COL6A1: variants seen among roughly 807,000 people sequenced by gnomAD.
COL6A1 encodes collagen alpha-1(VI) chain.
A neutral mutation model predicts 145.6 loss-of-function variants in COL6A1; 80 were observed. That is an observed-to-expected ratio of 0.55 (90% CI 0.46 to 0.66). The LOEUF (loss-of-function observed/expected upper bound fraction) is 0.66. COL6A1 is among the 30% of genes least tolerant of loss of function. COL6A1 has a pLI of 0.00. For synonymous variants in COL6A1, 638 were observed against 622.8 expected (o/e 1.02, Z -0.36); for missense variants, 1,364 against 1,473.8 (o/e 0.93, Z 1.22).
chr21:45,994,220 T>C lies in COL6A1; in HGVS notation c.1389T>C (p.Pro463=). ...DQGREGPVGV[P]GDPGEAGPIG... is the part of the protein sequence containing the mutation. Reference sequence around the variant, plus strand: ...GAAGAGAAGGCCCCGTTGGTGTCCCTGGAGACCCGGTAGGAAGCGCTGTGG... The same window carrying C: ...GAAGAGAAGGCCCCGTTGGTGTCCCCGGAGACCCGGTAGGAAGCGCTGTGG... The change falls in exon 20 of 35, where the codon CCT becomes CCC. Residue 463 remains proline (P), a synonymous_variant. Transcript: ENST00000361866. The surrounding 1 kb of genome is among the most constrained non-coding windows in gnomAD (Gnocchi z 6.8). 1 of 1,609,350 alleles carries C rather than the reference T, an allele frequency of 6.2e-7. No individual in the cohort carries two copies. Among genetic ancestry groups the C allele is most frequent in the Non-Finnish European group, 8.5e-7 (1 of 1,178,420 alleles).
At position 45,989,649 on chromosome 21, in the gene COL6A1, G is replaced by T; in HGVS notation, c.900G>T (p.Met300Ile). Residue 300 changes from methionine to isoleucine, a missense_variant, in exon 10 of 35, where the codon ATG becomes ATT. Physicochemically the swap from Met to Ile is conservative, Grantham distance 10 (BLOSUM62 1). This residue lies in a region of COL6A1 where 414 missense variants were observed against 437.6 expected (regional missense o/e 0.95). Transcript: ENST00000361866. Reference protein sequence around the residue: ...GDLGPVGYQGMKGEKGSRGEK... With the variant: ...GDLGPVGYQGIKGEKGSRGEK... ...TCGGACCTGTTGGGTACCAGGGAAT[G>T]AAGGTACGTGCCCCCCCTTTCCTGG... The T allele has an allele frequency of 6.2e-7, 1 of 1,613,144 alleles. No individual in the cohort carries two copies. The highest frequency in any genetic ancestry group is 1.1e-5 in the South Asian group (1 of 91,084).
In COL6A1 at chr21:45,990,369, G is replaced by C; in HGVS notation, c.958-9G>C. 1 of 1,608,674 alleles carries C rather than the reference G, an allele frequency of 6.2e-7. No individual in the cohort carries two copies. The highest frequency in any genetic ancestry group is 1.1e-5 in the South Asian group (1 of 90,950). ...ATCTGACTCCTGCCTTCGTTTTCCC[G>C]CCTCACAGGGAGAGAAGGGCAAGCG... On this transcript the variant is annotated splice_polypyrimidine_tract_variant and intron_variant, in intron 12 of 34. Coordinates refer to ENST00000361866, the MANE Select transcript of COL6A1 (RefSeq NM_001848.3).
chr21:45,981,927 C>T lies in COL6A1; in HGVS notation c.77C>T (p.Pro26Leu), dbSNP rs150165253. The T allele has an allele frequency of 1.2e-5, 20 of 1,607,492 alleles. No homozygotes were observed. The highest frequency in any genetic ancestry group is 1.7e-5 in the Non-Finnish European group (20 of 1,178,216). Residue 26 changes from proline to leucine, a missense_variant, in exon 1 of 35, where the codon CCG becomes CTG. Physicochemically the swap from Pro to Leu is moderately conservative, Grantham distance 98 (BLOSUM62 -3). This residue lies in a region of COL6A1 where 414 missense variants were observed against 437.6 expected (regional missense o/e 0.95). Transcript: ENST00000361866. ...WTAAQDEPET[P>L]RAVAFQDCPV... ...GCCGCGCAGGATGAGCCGGAGACCC[C>T]GAGGGCCGTGGCCTTCCAGGGTGAG...
chr21:45,994,276 G>A lies in COL6A1; in HGVS notation c.1398+47G>A. 6.4e-7 allele frequency: 1 copy of A among 1,562,200 alleles called. No homozygotes were observed. The highest frequency in any genetic ancestry group is 8.7e-7 in the Non-Finnish European group (1 of 1,145,060). On this transcript the variant is annotated intron_variant, in intron 20 of 34. Coordinates refer to ENST00000361866, the MANE Select transcript of COL6A1 (RefSeq NM_001848.3). The surrounding 1 kb of genome is among the most constrained non-coding windows in gnomAD (Gnocchi z 6.8). ...GGGGGCGTTGGCCAATTTGGGTTTTGGGGGTAGAAGTGCTCCAGCAGCTCA... is the reference window on the plus strand; with the variant it reads ...GGGGGCGTTGGCCAATTTGGGTTTTAGGGGTAGAAGTGCTCCAGCAGCTCA...
At chr21:45,997,960 T>C (rs565670101) in intron 22 of COL6A1, among the ~76,000 whole-genome samples, 161 bp from the exon 23 acceptor site, 1 of 152,002 alleles carries the variant, frequency 6.6e-6, no homozygotes, top group South Asian at 2.1e-4. Context: ...GAGATCCGGG[T>C]CCCAGGGTCC....
Position 45,986,970 on chromosome 21 carries a change from G to A in COL6A1, c.615G>A (p.Thr205=), listed in dbSNP as rs192125814. 36 of 1,552,560 alleles carry A rather than the reference G, an allele frequency of 2.3e-5. No individual in the cohort carries two copies. Among genetic ancestry groups the A allele is most frequent in the Middle Eastern group, 1.7e-4 (1 of 5,990 alleles). Residue 205 remains threonine, a synonymous_variant, in exon 5 of 35, where the codon ACG becomes ACA. Coordinates refer to ENST00000361866, the MANE Select transcript of COL6A1 (RefSeq NM_001848.3). The part of the protein sequence containing the change: ...HLEPRLSIIA[T]DHTYRRNFTA... ...AGCCGCGTCTGAGCATCATCGCCAC[G>A]GACCACACGTACCGGCGCAACTTCA...
At chr21:45,995,709 G>T (rs551899029) in intron 20 of COL6A1, among the ~76,000 whole-genome samples, 73 of 152,320 alleles carry the variant, frequency 4.8e-4, no homozygotes, top group African/African-American at 1.6e-3. Context: ...TGGGTCCCAT[G>T]CCTGGGGGTC....
chr21:45,999,688 C>T lies in COL6A1; in HGVS notation c.1772C>T (p.Pro591Leu), dbSNP rs1020480977. The change falls in exon 27 of 35, where the codon CCG becomes CTG. Residue 591 changes from proline to leucine, a missense_variant. Coordinates refer to ENST00000361866, the MANE Select transcript of COL6A1 (RefSeq NM_001848.3). Reference sequence around the variant, plus strand: ...CCAGGACACCAAGGACCGCCTGGGCCGGACGTAAGTGGGGCTCTGTGAACA... The same window carrying T: ...CCAGGACACCAAGGACCGCCTGGGCTGGACGTAAGTGGGGCTCTGTGAACA... ...GPPGHQGPPGPDECEILDIIM... is the reference protein window; with the variant it reads ...GPPGHQGPPGLDECEILDIIM... 8.1e-6 allele frequency: 13 copies of T among 1,612,236 alleles called. No individual in the cohort carries two copies. Among genetic ancestry groups the T allele is most frequent in the African/African-American group, 1.3e-5 (1 of 74,700 alleles).
At position 45,997,692 on chromosome 21, in the gene COL6A1, C is replaced by T. The variant is rs199849694; in HGVS notation, c.1462-8C>T. The T allele has an allele frequency of 4.7e-5, 74 of 1,584,160 alleles. No homozygotes were observed. The East Asian group carries it at 1.4e-3, about 30-fold the overall frequency. On this transcript the variant is annotated splice_region_variant and splice_polypyrimidine_tract_variant and intron_variant, in intron 21 of 34. Transcript: ENST00000361866. ...CCTGCTCCCCTCACGCCTCCTCTTC[C>T]TCCTCAGGGTGCCAGAGGAGCCCCA...
intron 6 of COL6A1, 85 bp downstream of exon 6, chr21:45,987,260 T>TA: frequency 1.3e-6 from 2 of 1,564,312 alleles, no homozygotes; most frequent in East Asian, 4.6e-5. Context: ...CGCATGTCCC[T>TA]ATGCATATCC....
At chr21:45,987,237 T>C (rs1603590074) in intron 6 of COL6A1, 62 bp downstream of exon 6, 2 of 1,539,538 alleles carry the variant, frequency 1.3e-6, no homozygotes, top group Non-Finnish European at 1.7e-6. Flanking sequence ...CACGTCCACC[T>C]GTGTGTTCAG....
chr21:45,992,596 C>A lies in COL6A1; in HGVS notation c.1273-152C>A, dbSNP rs1211343429. The A allele has an allele frequency of 2.9e-6, 3 of 1,029,206 alleles. No homozygotes were observed. The South Asian group carries it at 4.7e-5, about 16-fold the overall frequency. The allele number at this position is 1,029,206 out of a possible 1,614,324, so 63.8% of individuals were successfully genotyped here. On this transcript the variant is annotated intron_variant, in intron 18 of 34. Transcript: ENST00000361866. Reference sequence around the variant, plus strand: ...TGGGACCTGGGGAACCAGGAGATTCCGGCCTCTGCAACCGTGGGGCATGCG... The same window carrying A: ...TGGGACCTGGGGAACCAGGAGATTCAGGCCTCTGCAACCGTGGGGCATGCG...
intron 20 of COL6A1, among the ~76,000 whole-genome samples, chr21:45,995,544 C>A (rs2077800148): frequency 6.6e-6 from 1 of 152,252 alleles, no homozygotes; most frequent in Non-Finnish European, 1.5e-5. Context: ...TCTAACCACA[C>A]CCTGCCTGTT....
In COL6A1 at chr21:46,002,634, C is replaced by T. The variant is rs886042391; in HGVS notation, c.2358C>T (p.Leu786=). Residue 786 remains leucine, a synonymous_variant, in exon 33 of 35, where the codon CTC becomes CTT. Coordinates refer to ENST00000361866, the MANE Select transcript of COL6A1 (RefSeq NM_001848.3). ...GLAPSQGRPG[L]SLVKENYAEL... is the part of the protein sequence containing the mutation. Reference sequence around the variant, plus strand: ...CACCATCCCAGGGCCGGCCCGGCCTCTCGCTGGTCAAGGAGAACTATGCAG... The same window carrying T: ...CACCATCCCAGGGCCGGCCCGGCCTTTCGCTGGTCAAGGAGAACTATGCAG... 6.2e-7 allele frequency: 1 copy of T among 1,614,040 alleles called. No individual in the cohort carries two copies. The highest frequency in any genetic ancestry group is 1.7e-5 in the Admixed American group (1 of 60,032).
At chr21:45,986,445 C>T (rs1603589914) in intron 3 of COL6A1, 81 bp from the exon 4 acceptor site, 5 of 1,421,466 alleles carry the variant, frequency 3.5e-6, no homozygotes, top group Non-Finnish European at 4.8e-6. Context: ...AGACAGGGAC[C>T]AGCACCTCCC....
In COL6A1 at chr21:45,987,668, C is replaced by G. The variant is rs780080273; in HGVS notation, c.804+14C>G. The G allele has an allele frequency of 1.2e-6, 2 of 1,606,038 alleles. No individual in the cohort carries two copies. Among genetic ancestry groups the G allele is most frequent in the Admixed American group, 3.3e-5 (2 of 59,776 alleles). ...CCCGGCTTTGAGGTGAGTGGTGACT[C>G]CTGCTCCTCCCATGTGTTGTGGGGC... On this transcript the variant is annotated intron_variant, in intron 8 of 34. Coordinates refer to ENST00000361866, the MANE Select transcript of COL6A1 (RefSeq NM_001848.3).
At chr21:45,983,836 C>T (rs1438221482) in intron 2 of COL6A1, among the ~76,000 whole-genome samples, 1 of 104,382 alleles carries the variant, frequency 9.6e-6, no homozygotes, top group African/African-American at 3.7e-5. Context: ...CGTGGTCACT[C>T]TGCTGAATGG....
chr21:45,982,556 G>A, intron 1 of COL6A1, 78 bp from the exon 2 acceptor site: 1 of 1,601,888 alleles, frequency 6.2e-7, no homozygotes, highest in Non-Finnish European at 8.5e-7. Context: ...GCGCTGGGCT[G>A]GCCGGGAGGG....
chr21:45,992,468 A>G, intron 18 of COL6A1, 70 bp downstream of exon 18: 1 of 1,557,770 alleles, frequency 6.4e-7, no homozygotes. Context: ...TCTGCGGCCC[A>G]GTCTGGCCCT....
Sources: gnomAD v4.1 joint callset for allele counts (sites outside exome capture counted in the v4.1 genomes callset) on GRCh38, gnomAD v4.1.1 for gene constraint, gnomAD v4.1.1 regional missense constraint, Gnocchi (gnomAD v3.1) non-coding constraint, MANE v1.5 for transcripts, NCBI Gene and HGNC (gene_info 2026-07-23, HGNC 2026-07-21) for gene names.